HPSE2: variants seen among roughly 807,000 people sequenced by gnomAD.
HPSE2 encodes the protein inactive heparanase-2.
In HPSE2, 38 loss-of-function variants were observed where a neutral mutation model predicts 60.5. That is an observed-to-expected ratio of 0.63 (90% CI 0.48 to 0.82). The LOEUF is 0.82. Among genes scored for constraint, HPSE2 ranks in the 40% least tolerant of loss-of-function variants. The pLI, the probability that HPSE2 is intolerant of heterozygous loss-of-function variation, is 0.00. For synonymous variants in HPSE2, 295 were observed against 293.2 expected (o/e 1.01, Z -0.06); for missense variants, 713 against 740.4 (o/e 0.96, Z 0.43).
the HPSE2 span, among the ~76,000 whole-genome samples, chr10:99,279,461 T>G: frequency 9.2e-5 from 14 of 152,346 alleles, no homozygotes; most frequent in African/African-American, 2.6e-4. Flanking sequence ...TAAGAGAGAT[T>G]CCTAAATTGT....
chr10:98,904,770 C>G (rs998055426), intron 3 of HPSE2, among the ~76,000 whole-genome samples: 2 of 152,042 alleles, frequency 1.3e-5, no homozygotes, highest in Non-Finnish European at 2.9e-5. Flanking sequence ...AGCTAAAGAA[C>G]AAGTAATCAC....
chr10:98,685,810 A>G (rs1565077931), intron 6 of HPSE2, among the ~76,000 whole-genome samples: 1 of 152,346 alleles, frequency 6.6e-6, no homozygotes, highest in Non-Finnish European at 1.5e-5. Flanking sequence ...ATACTTAGTT[A>G]TATAAGAAAC....
At chr10:98,815,212 G>T (rs1190202094) in intron 3 of HPSE2, among the ~76,000 whole-genome samples, 1 of 152,158 alleles carries the variant, frequency 6.6e-6, no homozygotes, top group African/African-American at 2.4e-5. Context: ...AGCCTGAGAG[G>T]TTGAGGCTGC....
chr10:98,790,017 C>T (rs764893247), intron 3 of HPSE2, among the ~76,000 whole-genome samples: 6 of 151,902 alleles, frequency 3.9e-5, no homozygotes, highest in African/African-American at 1.2e-4. Context: ...GATAGAGTCT[C>T]AGTGGTCAGG....
intron 6 of HPSE2, 68 bp from the exon 7 acceptor site, chr10:98,642,008 C>T: frequency 7.5e-7 from 1 of 1,334,822 alleles, no homozygotes; most frequent in South Asian, 1.2e-5. Context: ...ACTTCTCTAG[C>T]CCAAGGTCTC....
intron 9 of HPSE2, among the ~76,000 whole-genome samples, chr10:98,519,762 G>A (rs1338529342): frequency 1.3e-5 from 2 of 152,210 alleles, no homozygotes; most frequent in Non-Finnish European, 2.9e-5. Context: ...CAGCCACAGA[G>A]ACATTTTCTT....
At chr10:98,596,471 C>T (rs1945241368) in intron 9 of HPSE2, among the ~76,000 whole-genome samples, 1 of 47,340 alleles carries the variant, frequency 2.1e-5, no homozygotes, top group East Asian at 1.7e-3. Context: ...TAATTAGCAT[C>T]CTTTTTTTTT....
At chr10:98,885,569 A>G (rs1953140269) in intron 3 of HPSE2, among the ~76,000 whole-genome samples, 1 of 152,100 alleles carries the variant, frequency 6.6e-6, no homozygotes, top group Admixed American at 6.6e-5. Flanking sequence ...TCAACCTACA[A>G]CCACCACCAC....
chr10:98,567,765 G>A (rs924348525), intron 9 of HPSE2, among the ~76,000 whole-genome samples: 4 of 152,134 alleles, frequency 2.6e-5, no homozygotes, highest in Admixed American at 6.5e-5. Context: ...GTGTGTGTGT[G>A]TGTGTGTATA....
intron 9 of HPSE2, among the ~76,000 whole-genome samples, chr10:98,535,448 G>A (rs1284537729): frequency 1.3e-5 from 2 of 152,064 alleles, no homozygotes; most frequent in African/African-American, 4.8e-5. Flanking sequence ...ACCCTCTGAG[G>A]GTGATGCCAA....
intron 3 of HPSE2, among the ~76,000 whole-genome samples, chr10:98,987,600 C>T (rs1484509724): frequency 6.6e-6 from 1 of 152,188 alleles, no homozygotes; most frequent in Non-Finnish European, 1.5e-5. Context: ...GGGATGCCCT[C>T]TCTCACCACT....
intron 3 of HPSE2, among the ~76,000 whole-genome samples, chr10:99,132,241 G>GAAAGAAAGAAAGAA (rs58521993): frequency 6.9e-4 from 20 of 28,894 alleles, no homozygotes; most frequent in African/African-American, 1.5e-3. Flanking sequence ...GAGAGAGAGA[G>GAAAGAAAGAAAGAA]AGAAAGAAAG....
intron 3 of HPSE2, among the ~76,000 whole-genome samples, chr10:98,969,142 C>T (rs1181812295): frequency 3.3e-5 from 5 of 151,962 alleles, no homozygotes; most frequent in African/African-American, 7.2e-5. Context: ...TTACAAAATG[C>T]GAGAGAGCAT....
At chr10:99,116,186 T>C (rs1449203929) in intron 3 of HPSE2, among the ~76,000 whole-genome samples, 1 of 151,920 alleles carries the variant, frequency 6.6e-6, no homozygotes, top group African/African-American at 2.4e-5. Flanking sequence ...AATCCTTACG[T>C]ACATCCTAGA....
chr10:99,047,368 C>G (rs1396152525), intron 3 of HPSE2, among the ~76,000 whole-genome samples: 2 of 152,056 alleles, frequency 1.3e-5, no homozygotes, highest in African/African-American at 4.8e-5. Flanking sequence ...CTATAAAAAT[C>G]CTAGAAGAAA....
intron 3 of HPSE2, among the ~76,000 whole-genome samples, chr10:99,026,220 C>T (rs1252208209): frequency 6.6e-6 from 1 of 151,974 alleles, no homozygotes; most frequent in African/African-American, 2.4e-5. Flanking sequence ...TGATCTGCTG[C>T]CTACAAGAAA....
At chr10:98,675,686 C>T (rs1306772018) in intron 6 of HPSE2, among the ~76,000 whole-genome samples, 1 of 151,942 alleles carries the variant, frequency 6.6e-6, no homozygotes, top group African/African-American at 2.4e-5. Context: ...TATGATTATG[C>T]TACTGCCACT....
intron 3 of HPSE2, among the ~76,000 whole-genome samples, chr10:99,096,841 G>T (rs1843735436): frequency 6.6e-6 from 1 of 152,138 alleles, no homozygotes; most frequent in Non-Finnish European, 1.5e-5. Flanking sequence ...CAGGAGCAAA[G>T]GGGAATCCAT....
chr10:98,633,638 C>A (rs1397934822), intron 7 of HPSE2, among the ~76,000 whole-genome samples: 14 of 152,082 alleles, frequency 9.2e-5, no homozygotes, highest in Admixed American at 9.2e-4. Context: ...AGTGAGTCTT[C>A]TGTTATGTTA....
Sources: gnomAD v4.1 joint callset for allele counts (sites outside exome capture counted in the v4.1 genomes callset) on GRCh38, gnomAD v4.1.1 for gene constraint, MANE v1.5 for transcripts, NCBI Gene and HGNC (gene_info 2026-07-23, HGNC 2026-07-21) for gene names.